CEP120: variants seen among roughly 807,000 people sequenced by gnomAD.
CEP120 encodes the protein centrosomal protein of 120 kDa.
CEP120 carries 113 observed loss-of-function variants against 126.5 expected under a neutral mutation model. That is an observed-to-expected ratio of 0.89 (90% CI 0.77 to 1.04). The LOEUF (loss-of-function observed/expected upper bound fraction) is 1.04. CEP120 is among the 50% of genes least tolerant of loss of function. CEP120 has a pLI of 0.00. For missense variants in CEP120, 1,230 were observed against 1,155.7 expected (o/e 1.06, Z -0.93); for synonymous variants, 400 against 394.3 (o/e 1.01, Z -0.17).
chr5:123,408,741 T>C (rs910261129), intron 4 of CEP120, among the ~76,000 whole-genome samples: 2 of 152,132 alleles, frequency 1.3e-5, no homozygotes, highest in African/African-American at 2.4e-5. Context: ...GACAGAAACA[T>C]AGAGAATACT....
intron 14 of CEP120, among the ~76,000 whole-genome samples, chr5:123,381,876 C>T (rs1228160563): frequency 6.6e-6 from 1 of 151,862 alleles, no homozygotes; most frequent in African/African-American, 2.4e-5. Context: ...AGCAACCATA[C>T]CTGGCCTATA....
intron 6 of CEP120, 44 bp from the exon 7 acceptor site, chr5:123,391,381 C>A: frequency 2.2e-6 from 3 of 1,386,962 alleles, no homozygotes; most frequent in South Asian, 1.2e-5. Flanking sequence ...TATACTTTCT[C>A]CTTTCTCCTA....
At chr5:123,421,044 T>C (rs1031662670) in intron 1 of CEP120, among the ~76,000 whole-genome samples, 1 of 152,196 alleles carries the variant, frequency 6.6e-6, no homozygotes, top group Non-Finnish European at 1.5e-5. Context: ...CTAACAGACA[T>C]CCTTGACTCC....
rs774508237 is a variant in CEP120 at position 123,399,125 on chromosome 5, A to G, written c.612+11T>C. On this transcript the variant is annotated intron_variant, in intron 5 of 19. Transcript: ENST00000306467. Reference sequence around the variant, plus strand: ...TTATTCGTAAGTCACCAATCTCATGAAAAGTCTCACCTGTTCCAACTGGGT... The same window carrying G: ...TTATTCGTAAGTCACCAATCTCATGGAAAGTCTCACCTGTTCCAACTGGGT... 3 of 1,567,834 alleles carry G rather than the reference A, an allele frequency of 1.9e-6. No homozygotes were observed. In the South Asian group the frequency reaches 3.6e-5, roughly 19 times the overall value.
chr5:123,382,106 AT>A lies in CEP120; in HGVS notation c.2103+4del. On this transcript the variant is annotated splice_donor_region_variant and intron_variant, in intron 14 of 19. Coordinates refer to ENST00000306467, the MANE Select transcript of CEP120 (RefSeq NM_001375405.1). ...TCTCTTCCTCACTTTTACACAAGTT[AT>A]TACCTTTTTCTTTACTAGTGATTCT... The A allele has an allele frequency of 6.3e-7, 1 of 1,575,012 alleles. No individual in the cohort carries two copies. The highest frequency in any genetic ancestry group is 8.7e-7 in the Non-Finnish European group (1 of 1,149,758).
intron 4 of CEP120, chr5:123,401,458 C>A (rs1773230951): frequency 7.7e-7 from 1 of 1,295,102 alleles, no homozygotes; most frequent in Non-Finnish European, 1.1e-6. Context: ...TATCCCCATG[C>A]TTCCCAGCCA....
chr5:123,379,510 A>G (rs1352122545), intron 14 of CEP120, among the ~76,000 whole-genome samples: 1 of 152,038 alleles, frequency 6.6e-6, no homozygotes, highest in Non-Finnish European at 1.5e-5. Context: ...TGATTTAATT[A>G]TTTTCTCCAT....
At chr5:123,401,692 C>T (rs923981752) in intron 4 of CEP120, 7 of 1,398,844 alleles carry the variant, frequency 5.0e-6, no homozygotes, top group Admixed American at 1.7e-5. Flanking sequence ...TCTCATCAGT[C>T]AGCCCTTCCA....
In CEP120 at chr5:123,423,058, C is replaced by T; in HGVS notation, c.-60G>A. Reference sequence around the variant, plus strand: ...GGGGGGAAGTGAGGTCCAGTTGAGTCGCGGGTAATCCGGGACCCCCGGCGG... The same window carrying T: ...GGGGGGAAGTGAGGTCCAGTTGAGTTGCGGGTAATCCGGGACCCCCGGCGG... On this transcript the variant is annotated 5_prime_UTR_variant, in exon 1 of 20. Coordinates refer to ENST00000306467, the MANE Select transcript of CEP120 (RefSeq NM_001375405.1). 1 of 1,458,894 alleles carries T rather than the reference C, an allele frequency of 6.9e-7. No individual in the cohort carries two copies. The highest frequency in any genetic ancestry group is 9.6e-7 in the Non-Finnish European group (1 of 1,041,466). 90.4% of individuals were successfully genotyped at this position (1,458,894 alleles called of 1,614,324 possible).
At chr5:123,381,017 T>C (rs1468340326) in intron 14 of CEP120, among the ~76,000 whole-genome samples, 1 of 151,538 alleles carries the variant, frequency 6.6e-6, no homozygotes, top group Middle Eastern at 3.2e-3. Flanking sequence ...AAGTTTTTAA[T>C]GGTGAGAATT....
rs1372233356 is a variant in CEP120, at chr5:123,388,540, G to A, written c.1322C>T (p.Ser441Leu). Residue 441 changes from serine to leucine, a missense_variant, in exon 9 of 20, where the codon TCA becomes TTA. Physicochemically the swap from Ser to Leu is moderately radical, Grantham distance 145. Transcript: ENST00000306467. ...TGCTGGTACAGCAATCTTCTGTCCT[G>A]AAGCTACTTCTGAAGCATTGGATGT... ...VTTSNASEVA[S>L]GQKIAVPATS... The A allele has an allele frequency of 5.0e-6, 8 of 1,611,400 alleles. No homozygotes were observed. The highest frequency in any genetic ancestry group is 6.8e-6 in the Non-Finnish European group (8 of 1,179,170).
At chr5:123,394,860 C>T (rs966710545) in intron 5 of CEP120, among the ~76,000 whole-genome samples, 12 of 152,166 alleles carry the variant, frequency 7.9e-5, no homozygotes, top group African/African-American at 2.7e-4. Flanking sequence ...AACTCTAGTT[C>T]CATCAGTAAC....
At position 123,380,212 on chromosome 5, in the gene CEP120, CT is replaced by C. The variant is rs201855883; in HGVS notation, c.2104-1785del. Among the ~76,000 whole-genome samples, 112 of 152,054 alleles carry C rather than the reference CT, an allele frequency of 7.4e-4. 1 individual carries two copies. The East Asian group carries it at 0.021, about 28-fold the overall frequency. ...AATATTTCATCATACTGAAAAACAA[CT>C]TTTTTTTCTCACTACTGACTTGATT... On this transcript the variant is annotated intron_variant, in intron 14 of 19. Coordinates refer to ENST00000306467, the MANE Select transcript of CEP120 (RefSeq NM_001375405.1).
At chr5:123,418,599 G>GTTT (rs10544575) in intron 1 of CEP120, 84 bp from the exon 2 acceptor site, 126 of 865,926 alleles carry the variant, frequency 1.5e-4, no homozygotes, top group South Asian at 2.4e-4. Context: ...TGTTTGGCTG[G>GTTT]TTTTTTTTTT....
Position 123,377,448 on chromosome 5 carries a change from A to G in CEP120, c.2284T>C (p.Cys762Arg). The G allele has an allele frequency of 1.2e-6, 2 of 1,612,018 alleles. No homozygotes were observed. The highest frequency in any genetic ancestry group is 8.5e-7 in the Non-Finnish European group (1 of 1,179,302). The change falls in exon 16 of 20, where the codon TGT (cysteine) becomes CGT (arginine). Residue 762 changes from cysteine (C) to arginine (R), a missense_variant. Transcript: ENST00000306467. Reference protein sequence around the residue: ...QDSIRRAKEDCIHQVELERLK... With the variant: ...QDSIRRAKEDRIHQVELERLK... ...CTTTCTAGTTCTACTTGGTGAATAC[A>G]GTCCTCTTTGGCCCTACGGATAGAG...
intron 18 of CEP120, among the ~76,000 whole-genome samples, chr5:123,363,077 CCT>C (rs1022095370): frequency 6.6e-6 from 1 of 151,534 alleles, no homozygotes; most frequent in African/African-American, 2.4e-5. Context: ...AACGGGCCCT[CCT>C]CTGTTTTATA....
intron 4 of CEP120, chr5:123,402,258 G>A: frequency 6.7e-7 from 1 of 1,486,286 alleles, no homozygotes. Context: ...GTGGGCACCG[G>A]GCCCACTTGT....
rs577082226 is a variant in CEP120, at chr5:123,355,492, A to ATAGTATCTC, written c.2581-5412_2581-5404dup. Among the ~76,000 whole-genome samples the ATAGTATCTC allele has an allele frequency of 2.4e-3, 358 of 152,234 alleles. 1 individual carries two copies. The highest frequency in any genetic ancestry group is 8.2e-3 in the African/African-American group (340 of 41,524). ...TGATCGCCATTCTAACTGGTGTGAGATAGTATCTCATTGTGGCTTTGATTT... is the reference window on the plus strand; with the variant it reads ...TGATCGCCATTCTAACTGGTGTGAGATAGTATCTCTAGTATCTCATTGTGGCTTTGATTT... On this transcript the variant is annotated intron_variant, in intron 18 of 19. Transcript: ENST00000306467.
In CEP120 at chr5:123,420,111, C is replaced by CA. The variant is rs146650127; in HGVS notation, c.50-1597dup. 9.7e-4 allele frequency among the ~76,000 whole-genome samples: 148 copies of CA among 152,300 alleles called. 3 individuals are homozygous for CA. The East Asian group carries it at 0.023, about 24-fold the overall frequency. ...TGAAACTCTGTATTAGGAGTATTAA[C>CA]ACACATCGCACAGCTCTCCCAATTA... On this transcript the variant is annotated intron_variant, in intron 1 of 19. Transcript: ENST00000306467.
Sources: gnomAD v4.1 joint callset for allele counts (sites outside exome capture counted in the v4.1 genomes callset) on GRCh38, gnomAD v4.1.1 for gene constraint, MANE v1.5 for transcripts, NCBI Gene and HGNC (gene_info 2026-07-23, HGNC 2026-07-21) for gene names.